Variants in SORCS2 observed in about 807,000 individuals in gnomAD.
SORCS2 encodes the protein sortilin related VPS10 domain containing receptor 2, also known as VPS10 domain-containing receptor SorCS2.
Under a neutral mutation model 141.6 loss-of-function variants are expected in SORCS2, and 100 were observed. That is an observed-to-expected ratio of 0.71 (90% CI 0.60 to 0.83). The LOEUF (loss-of-function observed/expected upper bound fraction) is 0.83, where lower values mean the gene tolerates loss of function less well. Among genes scored for constraint, SORCS2 ranks in the 40% least tolerant of loss-of-function variants. SORCS2 has a pLI of 0.00. For synonymous variants in SORCS2, 789 were observed against 676.9 expected, an observed-to-expected ratio of 1.17 and a Z score of -2.57; for missense variants, 1,646 against 1,560.2, an observed-to-expected ratio of 1.05 and a Z score of -0.93.
intron 1 of SORCS2, among the ~76,000 whole-genome samples, chr4:7,261,050 A>G (rs1714286394): frequency 6.6e-6 from 1 of 152,200 alleles, no homozygotes; most frequent in Non-Finnish European, 1.5e-5. Flanking sequence ...AAGCCATCTC[A>G]GAGAATTGAA....
intron 1 of SORCS2, among the ~76,000 whole-genome samples, chr4:7,218,294 A>T (rs1728495194): frequency 6.6e-6 from 1 of 152,200 alleles, no homozygotes; most frequent in South Asian, 2.1e-4. Context: ...AATGGATTCT[A>T]ATCGCCTTCT....
chr4:7,243,842 G>A (rs1395642947), intron 1 of SORCS2, among the ~76,000 whole-genome samples: 1 of 152,220 alleles, frequency 6.6e-6, no homozygotes, highest in Admixed American at 6.5e-5. Context: ...CACCTCACCA[G>A]GGCACCAGGC....
chr4:7,204,671 C>T (rs1203225630), intron 1 of SORCS2, among the ~76,000 whole-genome samples: 1 of 152,148 alleles, frequency 6.6e-6, no homozygotes, highest in African/African-American at 2.4e-5. Flanking sequence ...TAGGACAATC[C>T]CGTGCCTAGA....
chr4:7,535,892 G>A (rs1354775843), intron 3 of SORCS2, among the ~76,000 whole-genome samples: 2 of 152,266 alleles, frequency 1.3e-5, no homozygotes, highest in African/African-American at 2.4e-5. Context: ...CTTGCTCGTG[G>A]CATGTCCCGC....
chr4:7,271,720 G>A (rs1480793359), intron 1 of SORCS2, among the ~76,000 whole-genome samples: 1 of 152,278 alleles, frequency 6.6e-6, no homozygotes, highest in Non-Finnish European at 1.5e-5. Context: ...CAGGAGCTAA[G>A]TCCACAATGA....
chr4:7,511,254 CCAGA>C (rs1235817301), intron 2 of SORCS2, among the ~76,000 whole-genome samples: 2 of 151,442 alleles, frequency 1.3e-5, no homozygotes, highest in Non-Finnish European at 2.9e-5. Flanking sequence ...GAATGACAGG[CCAGA>C]CAGAGAGCCA....
chr4:7,443,526 T>C (rs1727810750), intron 2 of SORCS2, among the ~76,000 whole-genome samples: 1 of 152,156 alleles, frequency 6.6e-6, no homozygotes, highest in East Asian at 1.9e-4. Context: ...CCCGAAACCT[T>C]GAGAGACGCT....
At chr4:7,344,099 C>A (rs1048211933) in intron 1 of SORCS2, among the ~76,000 whole-genome samples, 1 of 152,230 alleles carries the variant, frequency 6.6e-6, no homozygotes, top group Non-Finnish European at 1.5e-5. Flanking sequence ...GCGGTGTGGA[C>A]GTGGAACCTG....
At chr4:7,273,217 G>A (rs539457987) in intron 1 of SORCS2, among the ~76,000 whole-genome samples, 6 of 152,370 alleles carry the variant, frequency 3.9e-5, no homozygotes, top group Non-Finnish European at 8.8e-5. Context: ...CAAGGAAAAT[G>A]AAGAGTAACT....
Position 7,296,826 on chromosome 4 carries a change from T to C in SORCS2, c.481-99462T>C, listed in dbSNP as rs1452565402. Among the ~76,000 whole-genome samples, 3 of 152,266 alleles carry C rather than the reference T, an allele frequency of 2.0e-5. No homozygotes were observed. In the East Asian group the frequency reaches 5.8e-4, roughly 29 times the overall value. On this transcript the variant is annotated intron_variant, in intron 1 of 26. Transcript: ENST00000507866. ...AACACACATACACACACTGCGTGGC[T>C]TCCCTCTATCGCTCGGTAGTCCTTG...
At chr4:7,309,905 G>A (rs1172918694) in intron 1 of SORCS2, among the ~76,000 whole-genome samples, 1 of 152,232 alleles carries the variant, frequency 6.6e-6, no homozygotes, top group African/African-American at 2.4e-5. Flanking sequence ...CCTCTCCGGA[G>A]CAGCTCTGCA....
chr4:7,437,593 T>G (rs953819506), intron 2 of SORCS2, among the ~76,000 whole-genome samples: 1 of 152,178 alleles, frequency 6.6e-6, no homozygotes, highest in Admixed American at 6.5e-5. Context: ...GTAGGTCACC[T>G]CATTAGCATA....
intron 1 of SORCS2, among the ~76,000 whole-genome samples, chr4:7,327,639 G>T (rs1184471034): frequency 7.2e-5 from 11 of 152,110 alleles, no homozygotes; most frequent in Non-Finnish European, 1.5e-5. Flanking sequence ...ATGCTTTCTG[G>T]GTCCCTCCAG....
rs1483669083 is a variant in SORCS2, at chr4:7,740,545, C to A, written c.*281C>A. Reference sequence around the variant, plus strand: ...CCCCAGACCCCACACACGGCCGCCCCACGTGCTGTCGCTCAGCCCGAGGCC... The same window carrying A: ...CCCCAGACCCCACACACGGCCGCCCAACGTGCTGTCGCTCAGCCCGAGGCC... On this transcript the variant is annotated 3_prime_UTR_variant, in exon 27 of 27. Coordinates refer to ENST00000507866, the MANE Select transcript of SORCS2 (RefSeq NM_020777.3). 4 of 498,736 alleles carry A rather than the reference C, an allele frequency of 8.0e-6. No individual in the cohort carries two copies. The highest frequency in any genetic ancestry group is 5.8e-5 in the African/African-American group (3 of 52,044). 30.9% of individuals were successfully genotyped at this position (498,736 alleles called of 1,614,324 possible). A position where few individuals can be genotyped will look rare whatever the true frequency, so the allele number is the denominator to read the frequency against.
At chr4:7,662,991 TGAGC>T (rs1296120618) in intron 6 of SORCS2, among the ~76,000 whole-genome samples, 43 of 151,828 alleles carry the variant, frequency 2.8e-4, no homozygotes, top group African/African-American at 9.4e-4. Flanking sequence ...AGTGAGTGAG[TGAGC>T]GAGTGAGTGG....
intron 2 of SORCS2, among the ~76,000 whole-genome samples, chr4:7,490,108 G>C (rs1434987111): frequency 6.6e-6 from 1 of 152,210 alleles, no homozygotes; most frequent in Non-Finnish European, 1.5e-5. Flanking sequence ...CACCCCAGGG[G>C]CCTGGCTGGC....
intron 3 of SORCS2, among the ~76,000 whole-genome samples, chr4:7,583,923 T>C (rs1463142396): frequency 6.6e-6 from 1 of 152,208 alleles, no homozygotes; most frequent in African/African-American, 2.4e-5. Context: ...ACCAGAGTCC[T>C]GCCTCTAATG....
At chr4:7,337,715 C>T (rs901052021) in intron 1 of SORCS2, among the ~76,000 whole-genome samples, 10 of 152,204 alleles carry the variant, frequency 6.6e-5, no homozygotes, top group Non-Finnish European at 8.8e-5. Flanking sequence ...TAATGGAAGA[C>T]AAGGAATCCC....
intron 3 of SORCS2, among the ~76,000 whole-genome samples, chr4:7,551,448 A>T (rs1713694465): frequency 6.6e-6 from 1 of 152,172 alleles, no homozygotes; most frequent in African/African-American, 2.4e-5. Flanking sequence ...GGTGATCCTT[A>T]TGCCACATCG....
Sources: gnomAD v4.1 joint callset for allele counts (sites outside exome capture counted in the v4.1 genomes callset) on GRCh38, gnomAD v4.1.1 for gene constraint, MANE v1.5 for transcripts, NCBI Gene and HGNC (gene_info 2026-07-23, HGNC 2026-07-21) for gene names.